The following TYW1 variants were observed in gnomAD, a reference collection of about 807,000 sequenced individuals.
TYW1 encodes tRNA-yW synthesizing protein 1 homolog, also known as S-adenosyl-L-methionine-dependent tRNA 4-demethylwyosine synthase TYW1.
TYW1 carries 46 observed loss-of-function variants against 96.2 expected under a neutral mutation model. That is an observed-to-expected ratio of 0.48 (90% CI 0.38 to 0.61). The LOEUF is 0.61. TYW1 is among the 20% of genes least tolerant of loss of function. TYW1 has a pLI of 0.00. For synonymous variants in TYW1, 274 were observed against 323.0 expected, an observed-to-expected ratio of 0.85 and a Z score of 1.63; for missense variants, 684 against 909.6, an observed-to-expected ratio of 0.75 and a Z score of 3.19.
chr7:67,177,031 G>A (rs2690182), intron 13 of TYW1, among the ~76,000 whole-genome samples: 1 of 152,204 alleles, frequency 6.6e-6, no homozygotes. Context: ...TCTTAGTGTA[G>A]AGCAACAGTA....
intron 15 of TYW1, among the ~76,000 whole-genome samples, chr7:67,197,406 A>G (rs1423925665): frequency 6.6e-6 from 1 of 151,208 alleles, no homozygotes; most frequent in African/African-American, 2.4e-5. Context: ...GCTCACTGCA[A>G]CCTCTGCCTC....
intron 13 of TYW1, among the ~76,000 whole-genome samples, chr7:67,137,662 C>T (rs1462090192): frequency 6.6e-6 from 1 of 152,028 alleles, no homozygotes; most frequent in East Asian, 1.9e-4. Flanking sequence ...GTGACTTGGT[C>T]TGCGTGGCTG....
chr7:67,100,064 T>C (rs35214507), intron 12 of TYW1, among the ~76,000 whole-genome samples: 1 of 151,786 alleles, frequency 6.6e-6, no homozygotes, highest in East Asian at 1.9e-4. Context: ...TTGTATGGCT[T>C]TGAGAGGCTA....
rs991863753 is a variant in TYW1 at position 67,127,771 on chromosome 7, A to T, written c.1698+10153A>T. On this transcript the variant is annotated intron_variant, in intron 13 of 15. Coordinates refer to ENST00000359626, the MANE Select transcript of TYW1 (RefSeq NM_018264.4). ...CTGGCAACAAATTCCCCCAGATTCC[A>T]GTTGTCTGAAAAAGTATTTCTCCCT... Among the ~76,000 whole-genome samples, 3 of 151,952 alleles carry T rather than the reference A, an allele frequency of 2.0e-5. No homozygotes were observed. The East Asian group carries it at 5.8e-4, about 29-fold the overall frequency.
At chr7:67,070,603 T>G (rs1314840982) in intron 10 of TYW1, among the ~76,000 whole-genome samples, 1 of 152,182 alleles carries the variant, frequency 6.6e-6, no homozygotes, top group South Asian at 2.1e-4. Context: ...TTCTTATCAT[T>G]TGTATCTCTT....
At chr7:67,066,297 T>C (rs1377722221) in intron 9 of TYW1, among the ~76,000 whole-genome samples, 3 of 152,122 alleles carry the variant, frequency 2.0e-5, no homozygotes, top group Non-Finnish European at 4.4e-5. Flanking sequence ...TGCTTTCACT[T>C]GTACTGAAAT....
At chr7:67,167,417 C>T (rs1186170045) in intron 13 of TYW1, among the ~76,000 whole-genome samples, 5 of 141,556 alleles carry the variant, frequency 3.5e-5, no homozygotes, top group African/African-American at 1.1e-4. Flanking sequence ...TGCAGTGAGC[C>T]GAGATTGCGG....
chr7:67,012,427 A>G (rs578187182), intron 4 of TYW1, among the ~76,000 whole-genome samples: 2 of 152,296 alleles, frequency 1.3e-5, no homozygotes, highest in African/African-American at 4.8e-5. Flanking sequence ...GTGGTTAAAT[A>G]TCTAGCTTTA....
chr7:67,122,524 T>A (rs890240710), intron 13 of TYW1, among the ~76,000 whole-genome samples: 1 of 152,252 alleles, frequency 6.6e-6, no homozygotes, highest in African/African-American at 2.4e-5. Context: ...AAATTACCTA[T>A]AATTCCAGGA....
At chr7:67,072,697 ATTG>A (rs1270415320) in intron 10 of TYW1, among the ~76,000 whole-genome samples, 2 of 152,120 alleles carry the variant, frequency 1.3e-5, no homozygotes, top group Admixed American at 1.3e-4. Context: ...TAGCCATCAT[ATTG>A]TTTTATCTGT....
intron 13 of TYW1, among the ~76,000 whole-genome samples, chr7:67,148,936 T>C (rs968578289): frequency 1.3e-5 from 2 of 152,214 alleles, no homozygotes; most frequent in African/African-American, 4.8e-5. Context: ...TTATCAAAAG[T>C]GGCTTGGGAT....
intron 12 of TYW1, among the ~76,000 whole-genome samples, chr7:67,102,224 A>C (rs1399524007): frequency 6.6e-6 from 1 of 152,202 alleles, no homozygotes; most frequent in Non-Finnish European, 1.5e-5. Flanking sequence ...TGTGAATGCC[A>C]TCATGGATTG....
Position 67,233,933 on chromosome 7 carries a change from G to C in TYW1, c.1978-4375G>C, listed in dbSNP as rs1801810833. Among the ~76,000 whole-genome samples the C allele has an allele frequency of 1.5e-5, 2 of 135,692 alleles. 1 individual carries two copies. Among genetic ancestry groups the C allele is most frequent in the South Asian group, 4.9e-4 (2 of 4,070 alleles). 89.0% of individuals were successfully genotyped at this position (135,692 alleles called of 152,430 possible). On this transcript the variant is annotated intron_variant, in intron 15 of 15. Transcript: ENST00000359626. ...GCCCCCCTCCCCTCCCAAGTTCATA[G>C]GTTGAGGTCCTAACTCCCAGCGTGG...
intron 15 of TYW1, among the ~76,000 whole-genome samples, chr7:67,228,245 G>A (rs905598987): frequency 1.3e-5 from 2 of 152,212 alleles, no homozygotes; most frequent in Admixed American, 6.5e-5. Context: ...CACAGTTCAC[G>A]TGGCTGGGGT....
At chr7:67,188,518 G>C (rs535253636) in intron 14 of TYW1, among the ~76,000 whole-genome samples, 1 of 152,074 alleles carries the variant, frequency 6.6e-6, no homozygotes, top group Non-Finnish European at 1.5e-5. Flanking sequence ...CTCTTGGAGC[G>C]GGAAGAAAAG....
intron 10 of TYW1, among the ~76,000 whole-genome samples, chr7:67,079,821 A>T (rs1222083888): frequency 2.6e-5 from 4 of 151,906 alleles, no homozygotes; most frequent in Admixed American, 6.6e-5. Flanking sequence ...ACATATTTAA[A>T]TTTTTTTCTT....
At chr7:67,157,582 G>A (rs10244331) in intron 13 of TYW1, among the ~76,000 whole-genome samples, 34,308 of 152,088 alleles carry the variant, frequency 0.23, 3,979 homozygotes, top group South Asian at 0.29. Flanking sequence ...CACCGTGCCC[G>A]GCCTATGACC....
At chr7:67,006,716 A>G (rs543316596) in intron 3 of TYW1, among the ~76,000 whole-genome samples, 1 of 152,202 alleles carries the variant, frequency 6.6e-6, no homozygotes, top group East Asian at 1.9e-4. Flanking sequence ...CTGGGATTAC[A>G]GGCATGAGCC....
chr7:67,091,100 A>G (rs1351923813), intron 11 of TYW1, among the ~76,000 whole-genome samples: 3 of 152,190 alleles, frequency 2.0e-5, no homozygotes, highest in Admixed American at 6.5e-5. Flanking sequence ...TGCTGTTATA[A>G]AGACACATGT....
Sources: gnomAD v4.1 joint callset for allele counts (sites outside exome capture counted in the v4.1 genomes callset) on GRCh38, gnomAD v4.1.1 for gene constraint, MANE v1.5 for transcripts, NCBI Gene and HGNC (gene_info 2026-07-23, HGNC 2026-07-21) for gene names.